The following CLCNKA variants were observed in gnomAD, a reference collection of about 807,000 sequenced individuals.
The protein encoded by CLCNKA is chloride channel protein ClC-Ka.
CLCNKA carries 66 observed loss-of-function variants against 83.3 expected under a neutral mutation model. The observed-to-expected ratio is 0.79, with a 90% CI of 0.65 to 0.97. CLCNKA has a LOEUF of 0.97. Among genes scored for constraint, CLCNKA ranks in the 50% least tolerant of loss-of-function variants. CLCNKA has a pLI of 0.00. For missense variants in CLCNKA, 806 were observed against 888.7 expected (o/e 0.91, Z 1.18); for synonymous variants, 357 against 370.4 (o/e 0.96, Z 0.42).
chr1:16,032,308 G>C lies in CLCNKA; in HGVS notation c.1845+17G>C. On this transcript the variant is annotated intron_variant, in intron 17 of 19. Coordinates refer to ENST00000331433, the MANE Select transcript of CLCNKA (RefSeq NM_004070.4). ...GGACACCAGGTGGTTACTCCTGAGG[G>C]GCGTGGGGATGGGGCGGGGGTGGGT... is the stretch of plus-strand genomic sequence containing the variant. 1.9e-6 allele frequency: 3 copies of C among 1,585,000 alleles called. No individual in the cohort carries two copies. Among genetic ancestry groups the C allele is most frequent in the Non-Finnish European group, 2.6e-6 (3 of 1,155,444 alleles).
In CLCNKA at chr1:16,022,591, T is replaced by C. The variant is rs1269816166; in HGVS notation, c.-7-22T>C. On this transcript the variant is annotated intron_variant, in intron 1 of 19. Transcript: ENST00000331433. ...GACGTGCAGCAGCTCACCCGGGTCC[T>C]TCCCTCCATCTGCTTCTCCAGGGGC... 5 of 1,532,764 alleles carry C rather than the reference T, an allele frequency of 3.3e-6. No individual in the cohort carries two copies. The African/African-American group carries it at 6.8e-5, about 21-fold the overall frequency. 94.9% of individuals were successfully genotyped at this position (1,532,764 alleles called of 1,614,324 possible).
At position 16,034,049 on chromosome 1, in the gene CLCNKA, G is replaced by C. The variant is rs1278241683; in HGVS notation, c.*391G>C. 1 of 326,880 alleles carries C rather than the reference G, an allele frequency of 3.1e-6. No individual in the cohort carries two copies. Among genetic ancestry groups the C allele is most frequent in the Non-Finnish European group, 5.9e-6 (1 of 170,348 alleles). The allele number at this position is 326,880 out of a possible 1,614,324, so 20.2% of individuals were successfully genotyped here. ...CTGAGAAAAATAAAGCTGGTTCCCA[G>C]AGCTGCTGTCCATCCCTCATCTCAG... On this transcript the variant is annotated 3_prime_UTR_variant, in exon 20 of 20. Coordinates refer to ENST00000331433, the MANE Select transcript of CLCNKA (RefSeq NM_004070.4).
At chr1:16,028,446 C>T (rs1057111391) in intron 10 of CLCNKA, among the ~76,000 whole-genome samples, 2 of 152,174 alleles carry the variant, frequency 1.3e-5, no homozygotes, top group Admixed American at 6.5e-5. Flanking sequence ...CCTCCTGCCC[C>T]GGAGATGCAC....
intron 5 of CLCNKA, 106 bp downstream of exon 5, chr1:16,026,353 C>A: frequency 6.8e-7 from 1 of 1,469,650 alleles, no homozygotes; most frequent in African/African-American, 1.4e-5. Flanking sequence ...CAGGCCAGTG[C>A]CTGCCTTCAG....
chr1:16,027,972 C>G lies in CLCNKA; in HGVS notation c.867-46C>G. ...CCCCCCAAGGCCTGGACTGCGGCCC[C>G]TGGTACTGGGGTCAGGCTCTGGTCT... On this transcript the variant is annotated intron_variant, in intron 9 of 19. Transcript: ENST00000331433. The G allele has an allele frequency of 2.5e-6, 4 of 1,614,096 alleles. No individual in the cohort carries two copies. The South Asian group carries it at 3.3e-5, about 13-fold the overall frequency.
rs150078773 is a variant in CLCNKA, at chr1:16,029,218, C to G, written c.1146C>G (p.Leu382=). 5 of 1,613,698 alleles carry G rather than the reference C, an allele frequency of 3.1e-6. No homozygotes were observed. The highest frequency in any genetic ancestry group is 4.2e-6 in the Non-Finnish European group (5 of 1,179,888). ...CCAGCCCACCCTGGCCCGAGGAGCT[C>G]GACCCCCAGCACCTTTGGTGGGAAT... is the stretch of plus-strand genomic sequence containing the variant. ...QNSSPPWPEE[L]DPQHLWWEWY... The change falls in exon 12 of 20, where the codon CTC becomes CTG. Residue 382 remains leucine, a synonymous_variant. Coordinates refer to ENST00000331433, the MANE Select transcript of CLCNKA (RefSeq NM_004070.4).
intron 7 of CLCNKA, 60 bp from the exon 8 acceptor site, chr1:16,027,250 G>C: frequency 1.2e-6 from 2 of 1,608,452 alleles, no homozygotes; most frequent in East Asian, 4.5e-5. Context: ...TGGGGGAGGG[G>C]GCCCTACAGC....
intron 12 of CLCNKA, 123 bp downstream of exon 12, chr1:16,029,422 C>G: frequency 2.1e-6 from 3 of 1,447,282 alleles, no homozygotes; most frequent in Non-Finnish European, 1.9e-6. Context: ...TCCTTCTGTG[C>G]CCCCTGCCCA....
In CLCNKA at chr1:16,032,602, C is replaced by A. The variant is rs1485334562; in HGVS notation, c.1929+76C>A. The A allele has an allele frequency of 3.4e-5, 39 of 1,162,326 alleles. No homozygotes were observed. The Admixed American group carries it at 4.6e-4, about 14-fold the overall frequency. 72.0% of individuals were successfully genotyped at this position (1,162,326 alleles called of 1,614,324 possible). A position where few individuals can be genotyped will look rare whatever the true frequency, so the allele number is the denominator to read the frequency against. On this transcript the variant is annotated intron_variant, in intron 18 of 19. Coordinates refer to ENST00000331433, the MANE Select transcript of CLCNKA (RefSeq NM_004070.4). ...AGCTGATGAGGAGCTCAGGCTCCAG[C>A]CTCCCGTCCCAACCCCGCCCCGCCC... is the stretch of plus-strand genomic sequence containing the variant.
chr1:16,023,794 C>A lies in CLCNKA; in HGVS notation c.101-6C>A. 1 of 1,613,940 alleles carries A rather than the reference C, an allele frequency of 6.2e-7. No homozygotes were observed. Among genetic ancestry groups the A allele is most frequent in the Non-Finnish European group, 8.5e-7 (1 of 1,179,864 alleles). ...CATAAGCTGGGACTCCGATACCCTG[C>A]CCCAGGTGGCCTGGAGTGGCTAAAG... On this transcript the variant is annotated splice_polypyrimidine_tract_variant and splice_region_variant and intron_variant, in intron 2 of 19. Coordinates refer to ENST00000331433, the MANE Select transcript of CLCNKA (RefSeq NM_004070.4).
chr1:16,029,194 C>T lies in CLCNKA; in HGVS notation c.1122C>T (p.Ser374=). The T allele has an allele frequency of 1.2e-6, 2 of 1,613,340 alleles. No individual in the cohort carries two copies. Among genetic ancestry groups the T allele is most frequent in the Non-Finnish European group, 8.5e-7 (1 of 1,179,858 alleles). ...NHSWALMTQN[S]SPPWPEELDP... Reference sequence around the variant, plus strand: ...CCTGGGCGCTGATGACCCAGAACTCCAGCCCACCCTGGCCCGAGGAGCTCG... The same window carrying T: ...CCTGGGCGCTGATGACCCAGAACTCTAGCCCACCCTGGCCCGAGGAGCTCG... The change falls in exon 12 of 20, where the codon TCC becomes TCT. Residue 374 remains serine (S), a synonymous_variant. Transcript: ENST00000331433.
At chr1:16,024,063 T>C in intron 3 of CLCNKA, 135 bp downstream of exon 3, 1 of 1,087,020 alleles carries the variant, frequency 9.2e-7, no homozygotes, top group Non-Finnish European at 1.4e-6. Context: ...TACTCCTGAT[T>C]TGCTCTGTGA....
rs2022646200 is a variant in CLCNKA, at chr1:16,032,069, G to T, written c.1757-134G>T. Reference sequence around the variant, plus strand: ...TGACATGTCTAAAGAGAGTCGGCTGGGTGCTTGTAAGGCAGTCCCTGGGCA... The same window carrying T: ...TGACATGTCTAAAGAGAGTCGGCTGTGTGCTTGTAAGGCAGTCCCTGGGCA... On this transcript the variant is annotated intron_variant, in intron 16 of 19. Coordinates refer to ENST00000331433, the MANE Select transcript of CLCNKA (RefSeq NM_004070.4). The T allele has an allele frequency of 4.3e-6, 5 of 1,167,408 alleles. No individual in the cohort carries two copies. In the South Asian group the frequency reaches 5.0e-5, roughly 12 times the overall value. The allele number at this position is 1,167,408 out of a possible 1,614,324, so 72.3% of individuals were successfully genotyped here.
At chr1:16,026,919 C>G (rs915144538) in intron 7 of CLCNKA, 144 bp downstream of exon 7, 1 of 1,111,780 alleles carries the variant, frequency 9.0e-7, no homozygotes, top group Non-Finnish European at 1.3e-6. Flanking sequence ...GGTATAGCCA[C>G]CCCCCGGGGG....
intron 19 of CLCNKA, among the ~76,000 whole-genome samples, 159 bp downstream of exon 19, chr1:16,033,415 C>T (rs539324966): frequency 1.1e-3 from 168 of 152,250 alleles, no homozygotes; most frequent in Admixed American, 1.8e-3. Context: ...GGCCACTGGG[C>T]CTGGCTCCCC....
At position 16,030,620 on chromosome 1, in the gene CLCNKA, C is replaced by A; in HGVS notation, c.1568C>A (p.Thr523Asn). ...TGCCAGCCCTCCTTCTATGATGGCA[C>A]CATCATTGTCAAGAAGCTGCCATAC... ...QSCQPSFYDG[T>N]IIVKKLPYLP... is the part of the protein sequence containing the mutation. The change falls in exon 15 of 20, where the codon ACC becomes AAC. Residue 523 changes from threonine to asparagine, a missense_variant. Physicochemically the swap from Thr to Asn is moderately conservative, Grantham distance 65 (BLOSUM62 0). Coordinates refer to ENST00000331433, the MANE Select transcript of CLCNKA (RefSeq NM_004070.4). 4 of 1,613,106 alleles carry A rather than the reference C, an allele frequency of 2.5e-6. No individual in the cohort carries two copies. The highest frequency in any genetic ancestry group is 3.4e-6 in the Non-Finnish European group (4 of 1,180,042).
At chr1:16,023,678 C>G in intron 2 of CLCNKA, 122 bp from the exon 3 acceptor site, 2 of 1,208,622 alleles carry the variant, frequency 1.7e-6, no homozygotes, top group East Asian at 5.1e-5. Flanking sequence ...GGGGCCCCCT[C>G]AGGACTACCC....
chr1:16,027,225 AG>A, intron 7 of CLCNKA, 84 bp from the exon 8 acceptor site: 8 of 1,548,914 alleles, frequency 5.2e-6, no homozygotes, highest in Non-Finnish European at 7.1e-6. Context: ...CAGATGGCTC[AG>A]GGAGGAGGCG....
In CLCNKA at chr1:16,023,879, G is replaced by A. The variant is rs1250195851; in HGVS notation, c.180G>A (p.Met60Ile). 6.2e-7 allele frequency: 1 copy of A among 1,614,198 alleles called. No individual in the cohort carries two copies. Among genetic ancestry groups the A allele is most frequent in the Admixed American group, 1.7e-5 (1 of 60,024 alleles). ...TCCTGATGACCCTCGGGGTGCTCATGGCCCTGGTCAGCTATGCCATGAACT... is the reference window on the plus strand; with the variant it reads ...TCCTGATGACCCTCGGGGTGCTCATAGCCCTGGTCAGCTATGCCATGAACT... ...WYFLMTLGVL[M>I]ALVSYAMNFA... The change falls in exon 3 of 20, where the codon ATG becomes ATA. Residue 60 changes from methionine to isoleucine, a missense_variant. Coordinates refer to ENST00000331433, the MANE Select transcript of CLCNKA (RefSeq NM_004070.4).
Sources: allele counts gnomAD v4.1 joint callset (sites outside exome capture counted in the v4.1 genomes callset), GRCh38; gene constraint gnomAD v4.1.1; transcripts MANE v1.5; gene names NCBI Gene and HGNC (gene_info 2026-07-23, HGNC 2026-07-21).